Variants in PKN2 observed in about 807,000 individuals in gnomAD.
The protein encoded by PKN2 is serine/threonine-protein kinase N2.
A neutral mutation model predicts 119.1 loss-of-function variants in PKN2; 38 were observed. The observed-to-expected ratio is 0.32, with a 90% CI of 0.25 to 0.42. The LOEUF (loss-of-function observed/expected upper bound fraction) is 0.42. PKN2 is among the 10% of genes least tolerant of loss of function. The probability of loss-of-function intolerance (pLI) is 1.00; values close to 1 mark genes in which losing one functional copy is unlikely to be tolerated. For missense variants in PKN2, 850 were observed against 1,165.1 expected (o/e 0.73, Z 3.94); for synonymous variants, 390 against 384.9 (o/e 1.01, Z -0.15).
intron 1 of PKN2, among the ~76,000 whole-genome samples, chr1:88,734,679 C>A (rs2100732538): frequency 6.6e-6 from 1 of 152,212 alleles, no homozygotes; most frequent in South Asian, 2.1e-4. Flanking sequence ...TATTTATGTT[C>A]TCTTGTTGTC....
At chr1:88,703,173 C>T (rs1004523351) in intron 1 of PKN2, among the ~76,000 whole-genome samples, 2 of 151,976 alleles carry the variant, frequency 1.3e-5, no homozygotes, top group Non-Finnish European at 2.9e-5. Context: ...ATATCCTTGC[C>T]TAACCTTCAT....
chr1:88,684,597 A>G lies in PKN2; in HGVS notation c.17A>G (p.Glu6Gly). Residue 6 changes from glutamate (E) to glycine (G), a missense_variant, in exon 1 of 22, where the codon GAA becomes GGA. Glu to Gly is a moderately conservative substitution (Grantham distance 98). This residue lies in a region of PKN2 where 73 missense variants were observed against 61.2 expected (regional missense o/e 1.19). Transcript: ENST00000370521. MASNP[E>G]RGEILLTELQ... ...CGGAGCGCAATGGCGTCCAACCCCG[A>G]ACGGGGGGAGATTCTGCTCACGGAA... The G allele has an allele frequency of 1.3e-6, 2 of 1,559,988 alleles. No homozygotes were observed. The highest frequency in any genetic ancestry group is 2.5e-5 in the East Asian group (1 of 40,084).
At chr1:88,760,480 A>G (rs1318883498) in intron 3 of PKN2, 104 bp downstream of exon 3, 1 of 619,292 alleles carries the variant, frequency 1.6e-6, no homozygotes, top group African/African-American at 1.9e-5. Flanking sequence ...CTCCAACATC[A>G]GTACTGGTGG....
chr1:88,729,772 A>G (rs748207198), intron 1 of PKN2, among the ~76,000 whole-genome samples: 1 of 151,656 alleles, frequency 6.6e-6, no homozygotes, highest in Non-Finnish European at 1.5e-5. Context: ...ACTTGAGGCC[A>G]TTTTGTAACA....
intron 2 of PKN2, among the ~76,000 whole-genome samples, chr1:88,741,806 C>T (rs985007860): frequency 6.6e-6 from 1 of 151,962 alleles, no homozygotes; most frequent in Non-Finnish European, 1.5e-5. Flanking sequence ...AAAACTGTTA[C>T]ACATTACTTT....
At chr1:88,739,272 G>A (rs1257157428) in intron 1 of PKN2, among the ~76,000 whole-genome samples, 1 of 150,810 alleles carries the variant, frequency 6.6e-6, no homozygotes, top group African/African-American at 2.5e-5. Context: ...AAGAGTTTGA[G>A]ATCAGCCTGG....
At chr1:88,710,423 A>G (rs769429283) in intron 1 of PKN2, among the ~76,000 whole-genome samples, 1 of 152,234 alleles carries the variant, frequency 6.6e-6, no homozygotes, top group Non-Finnish European at 1.5e-5. Flanking sequence ...GTATTTTTAC[A>G]TGTAAAAGCT....
intron 6 of PKN2, among the ~76,000 whole-genome samples, chr1:88,777,430 T>G (rs1265254382): frequency 6.6e-6 from 1 of 152,186 alleles, no homozygotes; most frequent in Non-Finnish European, 1.5e-5. Context: ...TTCTGTGAAC[T>G]GACCGTATTC....
chr1:88,829,916 C>T lies in PKN2; in HGVS notation c.2562+1293C>T, dbSNP rs111609086. On this transcript the variant is annotated intron_variant, in intron 19 of 21. Coordinates refer to ENST00000370521, the MANE Select transcript of PKN2 (RefSeq NM_006256.4). ...CCCAAACAAATGGTTTTAGTTTCGC[C>T]GGATGGATAACCCCTTTTGGTATGT... 9.9e-3 allele frequency among the ~76,000 whole-genome samples: 1,511 copies of T among 152,184 alleles called. 21 individuals carry two copies. The highest frequency in any genetic ancestry group is 0.034 in the African/African-American group (1,429 of 41,508).
At chr1:88,811,900 A>T (rs1219180262) in intron 15 of PKN2, among the ~76,000 whole-genome samples, 1 of 152,160 alleles carries the variant, frequency 6.6e-6, no homozygotes. Flanking sequence ...CATGATCAGA[A>T]GTATTTAGAG....
intron 1 of PKN2, among the ~76,000 whole-genome samples, chr1:88,720,021 T>G (rs1220314074): frequency 2.0e-5 from 3 of 151,694 alleles, no homozygotes; most frequent in Admixed American, 1.3e-4. Flanking sequence ...AGTCAAAATG[T>G]TTTTTGTTGT....
intron 3 of PKN2, among the ~76,000 whole-genome samples, chr1:88,767,273 AAGGTTTTCAGAAAATAGGTAAAT>A (rs1475776157): frequency 6.6e-6 from 1 of 152,200 alleles, no homozygotes; most frequent in Non-Finnish European, 1.5e-5. Context: ...CAAGAAACCT[AAGGTTTTCAGAAAATAGGTAAAT>A]TGTCCAAGTT....
chr1:88,706,393 G>T (rs1183550655), intron 1 of PKN2, among the ~76,000 whole-genome samples: 1 of 152,038 alleles, frequency 6.6e-6, no homozygotes, highest in Non-Finnish European at 1.5e-5. Context: ...AGTTTCTATA[G>T]TGTTTTTATT....
intron 8 of PKN2, among the ~76,000 whole-genome samples, chr1:88,803,005 T>G (rs914522284): frequency 6.6e-6 from 1 of 152,206 alleles, no homozygotes; most frequent in Non-Finnish European, 1.5e-5. Context: ...TCCAAAATAC[T>G]TAACACTTTT....
intron 1 of PKN2, among the ~76,000 whole-genome samples, chr1:88,715,647 C>T (rs1313576832): frequency 6.6e-6 from 1 of 152,100 alleles, no homozygotes; most frequent in Non-Finnish European, 1.5e-5. Context: ...ATGATATCCC[C>T]TTTATCATTT....
chr1:88,723,604 G>C (rs1227737171), intron 1 of PKN2, among the ~76,000 whole-genome samples: 1 of 152,120 alleles, frequency 6.6e-6, no homozygotes, highest in African/African-American at 2.4e-5. Flanking sequence ...GTATTTTTTA[G>C]TAGAGGTGAG....
intron 1 of PKN2, among the ~76,000 whole-genome samples, chr1:88,701,497 CTA>C (rs1163096267): frequency 6.6e-6 from 1 of 152,146 alleles, no homozygotes; most frequent in East Asian, 1.9e-4. Context: ...AAGGCCAGCT[CTA>C]TTGTCAGTGC....
At chr1:88,747,727 T>C (rs1668825426) in intron 2 of PKN2, among the ~76,000 whole-genome samples, 1 of 152,104 alleles carries the variant, frequency 6.6e-6, no homozygotes, top group Non-Finnish European at 1.5e-5. Flanking sequence ...AAACTTAGAT[T>C]GGTTTTTACT....
chr1:88,748,839 G>A (rs1486885075), intron 2 of PKN2, among the ~76,000 whole-genome samples: 2 of 152,124 alleles, frequency 1.3e-5, no homozygotes, highest in Non-Finnish European at 1.5e-5. Flanking sequence ...GGAGGCTGAG[G>A]TGGGAGTATT....
Sources: allele counts gnomAD v4.1 joint callset (sites outside exome capture counted in the v4.1 genomes callset), GRCh38; gene constraint gnomAD v4.1.1; regional missense constraint gnomAD v4.1.1; transcripts MANE v1.5; gene names NCBI Gene and HGNC (gene_info 2026-07-23, HGNC 2026-07-21).